The following UBL3 variants were observed in gnomAD, a reference collection of about 807,000 sequenced individuals.
UBL3 encodes the protein ubiquitin-like protein 3.
UBL3 carries 6 observed loss-of-function variants against 18.4 expected under a neutral mutation model. The ratio of observed to expected loss-of-function variants is 0.33; its 90% CI spans 0.18 to 0.64. The LOEUF (loss-of-function observed/expected upper bound fraction) is 0.64, where lower values mean the gene tolerates loss of function less well. Ranked by LOEUF, UBL3 falls within the 30% of genes least tolerant of loss-of-function variation. The pLI is 0.76. For missense variants in UBL3, 109 were observed against 142.9 expected (o/e 0.76, Z 1.21); for synonymous variants, 49 against 46.6 (o/e 1.05, Z -0.21).
chr13:29,820,754 A>G (rs1878414803), intron 1 of UBL3, among the ~76,000 whole-genome samples: 1 of 152,214 alleles, frequency 6.6e-6, no homozygotes, highest in South Asian at 2.1e-4. Flanking sequence ...TACATTCTAA[A>G]GTTACTGAAG....
At chr13:29,795,014 C>T (rs1877572461) in intron 1 of UBL3, among the ~76,000 whole-genome samples, 2 of 152,306 alleles carry the variant, frequency 1.3e-5, no homozygotes, top group South Asian at 4.1e-4. Flanking sequence ...CCAAAACATT[C>T]TTATCTTGAC....
intron 1 of UBL3, among the ~76,000 whole-genome samples, chr13:29,793,949 A>T (rs986135803): frequency 1.3e-5 from 2 of 151,970 alleles, no homozygotes; most frequent in Admixed American, 6.6e-5. Flanking sequence ...GGTTCAAGAG[A>T]TTTTCCTGCC....
intron 1 of UBL3, among the ~76,000 whole-genome samples, chr13:29,832,735 C>G (rs1878814653): frequency 1.3e-5 from 2 of 152,184 alleles, no homozygotes. Flanking sequence ...ATGGAAGCAG[C>G]TATCCTGCCA....
chr13:29,837,915 C>CAGTAATAATAAT (rs1555235003), intron 1 of UBL3, among the ~76,000 whole-genome samples: 1 of 141,494 alleles, frequency 7.1e-6, no homozygotes, highest in Non-Finnish European at 1.5e-5. Context: ...GACTCTGTCT[C>CAGTAATAATAAT]AATAATAATA....
intron 1 of UBL3, among the ~76,000 whole-genome samples, chr13:29,835,753 CAAAAAAAAA>C (rs34271187): frequency 1.3e-4 from 5 of 37,038 alleles, no homozygotes; most frequent in African/African-American, 5.5e-4. Context: ...GACGCTGTCT[CAAAAAAAAA>C]AAAAAAAAAA....
chr13:29,772,175 T>G lies in UBL3; in HGVS notation c.160A>C (p.Ser54Arg). The G allele has an allele frequency of 6.2e-7, 1 of 1,612,072 alleles. No individual in the cohort carries two copies. The highest frequency in any genetic ancestry group is 8.5e-7 in the Non-Finnish European group (1 of 1,178,712). ...PMDWEEEQVS[S>R]PNILRLIYQG... ...TAAATAAGTCGTAGAATATTTGGAC[T>G]GCTGACCTGCTCTTCTTCCCAGTCT... The change falls in exon 3 of 5, where the codon AGT (serine) becomes CGT (arginine). Residue 54 changes from serine (S) to arginine (R), a missense_variant. Ser to Arg is a moderately radical substitution (Grantham distance 110, BLOSUM62 -1). Coordinates refer to ENST00000380680, the MANE Select transcript of UBL3 (RefSeq NM_007106.4).
intron 3 of UBL3, among the ~76,000 whole-genome samples, chr13:29,768,054 T>C (rs1876739787): frequency 6.6e-6 from 1 of 152,072 alleles, no homozygotes; most frequent in Admixed American, 6.6e-5. Flanking sequence ...GATTAAGAGA[T>C]ATTCATTTCT....
At chr13:29,838,890 G>A (rs1004230088) in intron 1 of UBL3, among the ~76,000 whole-genome samples, 10 of 151,918 alleles carry the variant, frequency 6.6e-5, no homozygotes, top group Non-Finnish European at 1.0e-4. Flanking sequence ...TTCATCTTAC[G>A]TATAAGGACG....
intron 1 of UBL3, 111 bp downstream of exon 1, chr13:29,849,401 G>A (rs1394584300): frequency 6.8e-7 from 1 of 1,463,622 alleles, no homozygotes; most frequent in Non-Finnish European, 9.5e-7. Context: ...GCTCAGCACA[G>A]TGGCTTTTCG....
At chr13:29,780,939 T>C (rs1274236797) in intron 1 of UBL3, among the ~76,000 whole-genome samples, 1 of 152,122 alleles carries the variant, frequency 6.6e-6, no homozygotes, top group Non-Finnish European at 1.5e-5. Context: ...TTTGCGAGGC[T>C]GAGTCAAGTG....
chr13:29,818,930 T>C (rs999376866), intron 1 of UBL3, among the ~76,000 whole-genome samples: 2 of 152,132 alleles, frequency 1.3e-5, no homozygotes, highest in African/African-American at 4.8e-5. Context: ...TTTGATAATA[T>C]TAGGTAATTG....
intron 1 of UBL3, among the ~76,000 whole-genome samples, chr13:29,843,685 T>C (rs1879161700): frequency 6.6e-6 from 1 of 152,258 alleles, no homozygotes; most frequent in Non-Finnish European, 1.5e-5. Flanking sequence ...TTAAAATGTT[T>C]GGCTTTCCAA....
At chr13:29,838,990 T>C (rs922535710) in intron 1 of UBL3, among the ~76,000 whole-genome samples, 2 of 152,190 alleles carry the variant, frequency 1.3e-5, no homozygotes, top group African/African-American at 4.8e-5. Context: ...AAAATGTTAC[T>C]AGACAGGAAG....
chr13:29,767,895 A>C (rs1876731412), intron 3 of UBL3, among the ~76,000 whole-genome samples, 200 bp from the exon 4 acceptor site: 1 of 152,124 alleles, frequency 6.6e-6, no homozygotes, highest in African/African-American at 2.4e-5. Context: ...TTTTGCAGTT[A>C]TATAGCCATT....
intron 1 of UBL3, among the ~76,000 whole-genome samples, chr13:29,823,778 T>C (rs1205432515): frequency 1.3e-5 from 2 of 152,176 alleles, no homozygotes; most frequent in Non-Finnish European, 2.9e-5. Context: ...TACACATGTA[T>C]ACATGTGCCA....
At position 29,767,178 on chromosome 13, in the gene UBL3, G is replaced by A; in HGVS notation, c.*77C>T. 1 of 1,544,330 alleles carries A rather than the reference G, an allele frequency of 6.5e-7. No homozygotes were observed. Among genetic ancestry groups the A allele is most frequent in the Admixed American group, 1.7e-5 (1 of 57,508 alleles). On this transcript the variant is annotated 3_prime_UTR_variant, in exon 5 of 5. Transcript: ENST00000380680. ...AGGCAGACTGTTCTGAACGGTTTCTGAAGCAATGTCGGGTCTTTTCTGTCC... is the reference window on the plus strand; with the variant it reads ...AGGCAGACTGTTCTGAACGGTTTCTAAAGCAATGTCGGGTCTTTTCTGTCC...
At chr13:29,799,457 C>A (rs1217398429) in intron 1 of UBL3, among the ~76,000 whole-genome samples, 1 of 152,158 alleles carries the variant, frequency 6.6e-6, no homozygotes, top group Non-Finnish European at 1.5e-5. Context: ...ATAAGACTAA[C>A]TGAAGATGTT....
chr13:29,850,593 C>T lies in UBL3; in HGVS notation c.-1055G>A, dbSNP rs567738961. On this transcript the variant is annotated 5_prime_UTR_variant, in exon 1 of 5. Coordinates refer to ENST00000380680, the MANE Select transcript of UBL3 (RefSeq NM_007106.4). ...CAAACCAACATGGCGGCAGCGGCGG[C>T]GGCGGCGGCTGCCTGAGTGCGACTA... 12 of 156,094 alleles carry T rather than the reference C, an allele frequency of 7.7e-5. No individual in the cohort carries two copies. The East Asian group carries it at 9.4e-4, about 12-fold the overall frequency. The allele number at this position is 156,094 out of a possible 1,614,324, so 9.7% of individuals were successfully genotyped here. A position where few individuals can be genotyped will look rare whatever the true frequency, so the allele number is the denominator to read the frequency against.
rs186118071 is a variant in UBL3, at chr13:29,826,179, C to T, written c.27+23333G>A. ...TCTCCTTTTTTGTTGTGTACTCTGCCGGACTTTGGTGTCAGGATGATGCTG... is the reference window on the plus strand; with the variant it reads ...TCTCCTTTTTTGTTGTGTACTCTGCTGGACTTTGGTGTCAGGATGATGCTG... On this transcript the variant is annotated intron_variant, in intron 1 of 4. Coordinates refer to ENST00000380680, the MANE Select transcript of UBL3 (RefSeq NM_007106.4). Among the ~76,000 whole-genome samples, 141 of 152,202 alleles carry T rather than the reference C, an allele frequency of 9.3e-4. 1 individual carries two copies. Among genetic ancestry groups the T allele is most frequent in the African/African-American group, 3.3e-3 (137 of 41,520 alleles).
Sources: gnomAD v4.1 joint callset for allele counts (sites outside exome capture counted in the v4.1 genomes callset) on GRCh38, gnomAD v4.1.1 for gene constraint, MANE v1.5 for transcripts, NCBI Gene and HGNC (gene_info 2026-07-23, HGNC 2026-07-21) for gene names.